CECR2: variants seen among roughly 807,000 people sequenced by gnomAD.
CECR2 encodes chromatin remodeling regulator CECR2.
Under a neutral mutation model 154.5 loss-of-function variants are expected in CECR2, and 30 were observed. The observed-to-expected ratio is 0.19, with a 90% confidence interval of 0.15 to 0.26. CECR2 has a LOEUF of 0.26. Among genes scored for constraint, CECR2 ranks in the 10% least tolerant of loss-of-function variants. The pLI is 1.00. For missense variants in CECR2, 1,743 were observed against 1,829.3 expected, an observed-to-expected ratio of 0.95 and a Z score of 0.86; for synonymous variants, 725 against 683.7, an observed-to-expected ratio of 1.06 and a Z score of -0.94.
chr22:17,384,918 A>G (rs2063240947), intron 1 of CECR2, among the ~76,000 whole-genome samples: 1 of 152,188 alleles, frequency 6.6e-6, no homozygotes, highest in African/African-American at 2.4e-5. Flanking sequence ...TCTTAGCTAG[A>G]TCTTCTGGAT....
chr22:17,404,361 G>GTTTTTTTTTTTTTTTTTTTTTTTT (rs2053945581), intron 1 of CECR2, among the ~76,000 whole-genome samples: 1 of 74,806 alleles, frequency 1.3e-5, no homozygotes, highest in Non-Finnish European at 2.5e-5. Flanking sequence ...TCTGGACCCT[G>GTTTTTTTTTTTTTTTTTTTTTTTT]TTCTTTCTTT....
In CECR2 at chr22:17,499,555, T is replaced by C; in HGVS notation, c.545+6T>C. On this transcript the variant is annotated splice_donor_region_variant and intron_variant, in intron 4 of 18. Transcript: ENST00000262608. Reference sequence around the variant, plus strand: ...GGAGAACTCTCTTTGAGCAGGTATGTTCTTCAGTGTTAGGGCATGATAGCT... The same window carrying C: ...GGAGAACTCTCTTTGAGCAGGTATGCTCTTCAGTGTTAGGGCATGATAGCT... 6.2e-7 allele frequency: 1 copy of C among 1,603,074 alleles called. No homozygotes were observed. The highest frequency in any genetic ancestry group is 8.5e-7 in the Non-Finnish European group (1 of 1,174,384).
intron 2 of CECR2, among the ~76,000 whole-genome samples, chr22:17,494,651 G>A (rs1338014011): frequency 6.6e-6 from 1 of 152,170 alleles, no homozygotes; most frequent in African/African-American, 2.4e-5. Flanking sequence ...GTAAGAGTAG[G>A]GGAAAGATGT....
chr22:17,530,966 A>T (rs28433791), intron 9 of CECR2, among the ~76,000 whole-genome samples: 31,807 of 152,116 alleles, frequency 0.21, 3,531 homozygotes, highest in African/African-American at 0.24. Flanking sequence ...ATGAAAAGAT[A>T]CTAGAAATGG....
chr22:17,530,897 C>G (rs2056344265), intron 9 of CECR2, among the ~76,000 whole-genome samples: 1 of 152,134 alleles, frequency 6.6e-6, no homozygotes, highest in Admixed American at 6.6e-5. Flanking sequence ...ATGTTTTGTA[C>G]TAGAGGCTGA....
At chr22:17,449,591 G>A (rs1333340259) in intron 1 of CECR2, among the ~76,000 whole-genome samples, 1 of 139,580 alleles carries the variant, frequency 7.2e-6, no homozygotes, top group South Asian at 2.4e-4. Context: ...CCAGGTTCAC[G>A]CCATTCTCCT....
chr22:17,370,321 G>T (rs1395589532), intron 1 of CECR2, among the ~76,000 whole-genome samples: 6 of 145,670 alleles, frequency 4.1e-5, no homozygotes, highest in African/African-American at 9.8e-5. Flanking sequence ...GCCGGGCGCG[G>T]GGGGGGGGCC....
chr22:17,434,304 C>T (rs530429975), intron 1 of CECR2, among the ~76,000 whole-genome samples: 30 of 152,338 alleles, frequency 2.0e-4, no homozygotes, highest in Non-Finnish European at 3.2e-4. Flanking sequence ...AGAGGTCATG[C>T]TCTGAGTCCA....
At chr22:17,385,264 T>C (rs1367364884) in intron 1 of CECR2, among the ~76,000 whole-genome samples, 1 of 152,232 alleles carries the variant, frequency 6.6e-6, no homozygotes, top group Non-Finnish European at 1.5e-5. Flanking sequence ...ACAACTTGGC[T>C]AACTGGCTCA....
chr22:17,437,592 G>C (rs1346394157), intron 1 of CECR2, among the ~76,000 whole-genome samples: 1 of 152,104 alleles, frequency 6.6e-6, no homozygotes, highest in Non-Finnish European at 1.5e-5. Context: ...ACCTGAAATA[G>C]ATTTTTCATA....
intron 1 of CECR2, among the ~76,000 whole-genome samples, chr22:17,463,716 A>G (rs763219517): frequency 2.6e-5 from 4 of 151,954 alleles, no homozygotes; most frequent in Non-Finnish European, 4.4e-5. Flanking sequence ...GGGGACGGGC[A>G]CTGGGATAAG....
chr22:17,417,295 G>C (rs1027176135), intron 1 of CECR2, among the ~76,000 whole-genome samples: 1 of 151,612 alleles, frequency 6.6e-6, no homozygotes, highest in African/African-American at 2.4e-5. Flanking sequence ...ATTAATCACT[G>C]TCAAGTTTTG....
intron 1 of CECR2, among the ~76,000 whole-genome samples, chr22:17,383,924 C>T (rs1242140794): frequency 6.6e-6 from 1 of 152,138 alleles, no homozygotes; most frequent in Non-Finnish European, 1.5e-5. Flanking sequence ...CCACCTACCT[C>T]GGCCTCCCAA....
chr22:17,477,455 A>G, intron 1 of CECR2, 133 bp from the exon 2 acceptor site: 1 of 663,276 alleles, frequency 1.5e-6, no homozygotes, highest in Middle Eastern at 3.5e-4. Context: ...AAGGAAGGGC[A>G]GAGCTGATCT....
chr22:17,395,419 A>G (rs1415295884), intron 1 of CECR2, among the ~76,000 whole-genome samples: 2 of 151,918 alleles, frequency 1.3e-5, no homozygotes, highest in African/African-American at 2.4e-5. Flanking sequence ...ATCTCAGCTC[A>G]CTGCAACCTC....
At chr22:17,502,582 T>TC (rs1284345971) in intron 5 of CECR2, among the ~76,000 whole-genome samples, 1 of 152,178 alleles carries the variant, frequency 6.6e-6, no homozygotes, top group African/African-American at 2.4e-5. Context: ...GGCAGGCAGA[T>TC]CATGAGGTCA....
rs528012583 is a variant in CECR2 at position 17,449,614 on chromosome 22, C to T, written c.127-27974C>T. On this transcript the variant is annotated intron_variant, in intron 1 of 18. Coordinates refer to ENST00000262608, the MANE Select transcript of CECR2 (RefSeq NM_001290047.2). ...ACGCCATTCTCCTGCCTCAGCTTCC[C>T]GAGTAGCTGGGACTACAGGCGCCCG... is the stretch of plus-strand genomic sequence containing the variant. 3.7e-3 allele frequency among the ~76,000 whole-genome samples: 567 copies of T among 151,310 alleles called. 2 individuals are homozygous for T. Among genetic ancestry groups the T allele is most frequent in the African/African-American group, 0.013 (545 of 41,180 alleles).
intron 1 of CECR2, among the ~76,000 whole-genome samples, chr22:17,391,150 GTTATACTCACAT>G (rs1185383628): frequency 6.6e-6 from 1 of 152,178 alleles, no homozygotes; most frequent in Non-Finnish European, 1.5e-5. Flanking sequence ...TGACCACAAT[GTTATACTCACAT>G]TTAGGAAAAT....
chr22:17,404,937 G>GA (rs1332993210), intron 1 of CECR2, among the ~76,000 whole-genome samples: 2 of 152,118 alleles, frequency 1.3e-5, no homozygotes, highest in Non-Finnish European at 2.9e-5. Flanking sequence ...TGTAGAAAAT[G>GA]GGCCTCTTAA....
Sources: gnomAD v4.1 joint callset for allele counts (sites outside exome capture counted in the v4.1 genomes callset) on GRCh38, gnomAD v4.1.1 for gene constraint, MANE v1.5 for transcripts, NCBI Gene and HGNC (gene_info 2026-07-23, HGNC 2026-07-21) for gene names.